Variants in BMP8A observed in about 807,000 individuals in gnomAD.
BMP8A encodes BMP-8A.
Under a neutral mutation model 36.8 loss-of-function variants are expected in BMP8A, and 14 were observed. The ratio of observed to expected loss-of-function variants is 0.38; its 90% CI spans 0.25 to 0.60. BMP8A has a LOEUF of 0.60. BMP8A is among the 20% of genes least tolerant of loss of function. BMP8A has a pLI of 0.63. For synonymous variants in BMP8A, 120 were observed against 237.7 expected (o/e 0.50, Z 4.55); for missense variants, 267 against 551.1 (o/e 0.48, Z 5.16).
At chr1:39,523,626 G>C (rs1223317669) in intron 6 of BMP8A, 29 of 1,442,318 alleles carry the variant, frequency 2.0e-5, no homozygotes, top group Non-Finnish European at 2.4e-5. Context: ...GCTTTTTCCC[G>C]CAGTTTCTCT....
intron 1 of BMP8A, among the ~76,000 whole-genome samples, chr1:39,509,647 T>A (rs979398070): frequency 6.6e-5 from 10 of 152,268 alleles, no homozygotes; most frequent in East Asian, 3.9e-4. Flanking sequence ...TCGCCTGCCC[T>A]TGGCTGGACC....
chr1:39,518,112 T>TGC lies in BMP8A; in HGVS notation c.674-3261_674-3260dup, dbSNP rs201689112. On this transcript the variant is annotated intron_variant, in intron 3 of 6. Transcript: ENST00000331593. ...AATTAAGATTGTGTGTGTGTGTGTG[T>TGC]GCGCATGCACGCGTGCACACGTGCT... Among the ~76,000 whole-genome samples, 17 of 151,668 alleles carry TGC rather than the reference T, an allele frequency of 1.1e-4. 1 individual carries two copies. Among genetic ancestry groups the TGC allele is most frequent in the African/African-American group, 4.2e-4 (17 of 40,940 alleles).
At chr1:39,498,090 C>G (rs1295428968) in intron 1 of BMP8A, among the ~76,000 whole-genome samples, 1 of 152,248 alleles carries the variant, frequency 6.6e-6, no homozygotes, top group East Asian at 1.9e-4. Context: ...TCAGAGGTCT[C>G]TATTCTGACA....
chr1:39,503,508 C>CTTTTTT (rs35892449), intron 1 of BMP8A, among the ~76,000 whole-genome samples: 3 of 69,990 alleles, frequency 4.3e-5, no homozygotes, highest in Non-Finnish European at 7.7e-5. Flanking sequence ...TACAGTCTTT[C>CTTTTTT]TTTTTTTTTT....
intron 1 of BMP8A, among the ~76,000 whole-genome samples, chr1:39,505,498 C>G (rs1645293564): frequency 6.6e-6 from 1 of 152,142 alleles, no homozygotes; most frequent in Non-Finnish European, 1.5e-5. Context: ...AAGAATTTTT[C>G]TTAGTACAGA....
In BMP8A at chr1:39,514,973, C is replaced by T. The variant is rs1645384291; in HGVS notation, c.673+3069C>T. The T allele has an allele frequency of 5.9e-6, 9 of 1,525,654 alleles. No individual in the cohort carries two copies. In the Middle Eastern group the frequency reaches 7.1e-4, roughly 120 times the overall value. The allele number at this position is 1,525,654 out of a possible 1,614,324, so 94.5% of individuals were successfully genotyped here. A position where few individuals can be genotyped will look rare whatever the true frequency, so the allele number is the denominator to read the frequency against. On this transcript the variant is annotated intron_variant, in intron 3 of 6. Transcript: ENST00000331593. ...GGCCGACTATGGCGGCGCTGCGGCT[C>T]CTGGCGTCAGTGCTCGGGCGCGGGG... is the stretch of plus-strand genomic sequence containing the variant.
At chr1:39,517,851 CTCT>C (rs1426577215) in intron 3 of BMP8A, among the ~76,000 whole-genome samples, 2 of 152,290 alleles carry the variant, frequency 1.3e-5, no homozygotes, top group African/African-American at 4.8e-5. Context: ...AGGAAGCTTC[CTCT>C]ATCTGTGTGT....
chr1:39,495,839 A>C (rs1327632387), intron 1 of BMP8A, among the ~76,000 whole-genome samples: 1 of 152,244 alleles, frequency 6.6e-6, no homozygotes, highest in East Asian at 1.9e-4. Flanking sequence ...GCAGGTGCCC[A>C]TGTTCCAGAT....
intron 1 of BMP8A, among the ~76,000 whole-genome samples, chr1:39,499,540 T>C (rs991878436): frequency 1.3e-5 from 2 of 152,220 alleles, no homozygotes; most frequent in African/African-American, 2.4e-5. Flanking sequence ...AGAGCCCTTG[T>C]TGATGTCGAA....
At chr1:39,523,888 T>C in intron 6 of BMP8A, 1 of 290,750 alleles carries the variant, frequency 3.4e-6, no homozygotes, top group Non-Finnish European at 6.2e-6. Flanking sequence ...TCAGGCGCAG[T>C]GGCTCACCCT....
rs1383063331 is a variant in BMP8A at position 39,521,050 on chromosome 1, AG to A, written c.674-324del. On this transcript the variant is annotated intron_variant, in intron 3 of 6. Coordinates refer to ENST00000331593, the MANE Select transcript of BMP8A (RefSeq NM_181809.4). ...GCAGGGTCACTGTAAGGACCCAATG[AG>A]GTGATCCATGGGAAAAATCTTCCAA... is the stretch of plus-strand genomic sequence containing the variant. Among the ~76,000 whole-genome samples, 87 of 80,660 alleles carry A rather than the reference AG, an allele frequency of 1.1e-3. 3 individuals carry two copies. Among genetic ancestry groups the A allele is most frequent in the African/African-American group, 3.8e-3 (79 of 20,920 alleles). 52.9% of individuals were successfully genotyped at this position (80,660 alleles called of 152,430 possible). A position where few individuals can be genotyped will look rare whatever the true frequency, so the allele number is the denominator to read the frequency against.
Position 39,526,505 on chromosome 1 carries a change from A to T in BMP8A, c.*707A>T, listed in dbSNP as rs904015809. On this transcript the variant is annotated 3_prime_UTR_variant, in exon 7 of 7. Coordinates refer to ENST00000331593, the MANE Select transcript of BMP8A (RefSeq NM_181809.4). ...AGGGGCCCACCACCACGCCCAGCTCATTCTTGTATTTTTAGTAGAGACGGG... is the reference window on the plus strand; with the variant it reads ...AGGGGCCCACCACCACGCCCAGCTCTTTCTTGTATTTTTAGTAGAGACGGG... 6.6e-6 allele frequency among the ~76,000 whole-genome samples: 1 copy of T among 151,994 alleles called. No homozygotes were observed. Among genetic ancestry groups the T allele is most frequent in the Non-Finnish European group, 1.5e-5 (1 of 67,974 alleles).
intron 1 of BMP8A, among the ~76,000 whole-genome samples, chr1:39,504,354 C>T (rs532617134): frequency 7.2e-5 from 11 of 152,298 alleles, no homozygotes; most frequent in African/African-American, 2.4e-4. Flanking sequence ...GGGGATGTGG[C>T]AGGACTATAG....
rs79510364 is a variant in BMP8A at position 39,509,933 on chromosome 1, G to A, written c.335-1241G>A. Among the ~76,000 whole-genome samples, 589 of 152,272 alleles carry A rather than the reference G, an allele frequency of 3.9e-3. 33 individuals are homozygous for A. In the East Asian group the frequency reaches 0.1, roughly 26 times the overall value. On this transcript the variant is annotated intron_variant, in intron 1 of 6. Transcript: ENST00000331593. ...TAAATATAGCGTCCTGGGTATTTCC[G>A]GATATTTCCGGACACCTGGGGAAAT...
rs1028038493 is a variant in BMP8A at position 39,526,519 on chromosome 1, A to G, written c.*721A>G. Reference sequence around the variant, plus strand: ...ACGCCCAGCTCATTCTTGTATTTTTAGTAGAGACGGGGTTTCACCATATCG... The same window carrying G: ...ACGCCCAGCTCATTCTTGTATTTTTGGTAGAGACGGGGTTTCACCATATCG... On this transcript the variant is annotated 3_prime_UTR_variant, in exon 7 of 7. Coordinates refer to ENST00000331593, the MANE Select transcript of BMP8A (RefSeq NM_181809.4). Among the ~76,000 whole-genome samples the G allele has an allele frequency of 1.3e-5, 2 of 152,038 alleles. No homozygotes were observed. The highest frequency in any genetic ancestry group is 2.9e-5 in the Non-Finnish European group (2 of 67,982).
At chr1:39,523,285 G>GGT (rs1000230286) in intron 6 of BMP8A, among the ~76,000 whole-genome samples, 168 bp downstream of exon 6, 21 of 152,272 alleles carry the variant, frequency 1.4e-4, no homozygotes, top group African/African-American at 5.1e-4. Context: ...TGCAGGAACT[G>GGT]GTCCTCATAC....
chr1:39,494,630 C>G (rs1025730677), intron 1 of BMP8A, among the ~76,000 whole-genome samples: 3 of 152,190 alleles, frequency 2.0e-5, no homozygotes, highest in Non-Finnish European at 1.5e-5. Flanking sequence ...GCTGGGATTA[C>G]AGGCGTGAAC....
chr1:39,515,672 C>T (rs1318757547), intron 3 of BMP8A: 2 of 1,574,840 alleles, frequency 1.3e-6, no homozygotes, highest in South Asian at 2.2e-5. Context: ...AAGCTGCAGA[C>T]GTCACGGCGG....
At chr1:39,499,359 C>T (rs1289024537) in intron 1 of BMP8A, among the ~76,000 whole-genome samples, 2 of 152,068 alleles carry the variant, frequency 1.3e-5, no homozygotes, top group Non-Finnish European at 2.9e-5. Flanking sequence ...TTCCTGTGGG[C>T]CCTTCGGGGC....
Sources: gnomAD v4.1 joint callset for allele counts (sites outside exome capture counted in the v4.1 genomes callset) on GRCh38, gnomAD v4.1.1 for gene constraint, MANE v1.5 for transcripts, NCBI Gene and HGNC (gene_info 2026-07-23, HGNC 2026-07-21) for gene names.